The following PADI1 variants were observed in gnomAD, a reference collection of about 807,000 sequenced individuals.
The protein encoded by PADI1 is protein-arginine deiminase type-1.
PADI1 carries 65 observed loss-of-function variants against 74.8 expected under a neutral mutation model. That is an observed-to-expected ratio of 0.87 (90% CI 0.71 to 1.07). The LOEUF (loss-of-function observed/expected upper bound fraction) is 1.07, where lower values mean the gene tolerates loss of function less well. PADI1 is among the 50% of genes least tolerant of loss of function. The pLI is 0.00. For missense variants in PADI1, 943 were observed against 854.0 expected, an observed-to-expected ratio of 1.10 and a Z score of -1.30; for synonymous variants, 371 against 336.2, an observed-to-expected ratio of 1.10 and a Z score of -1.13.
intron 15 of PADI1, 27 bp downstream of exon 15, chr1:17,240,787 TGG>T: frequency 6.2e-7 from 1 of 1,608,936 alleles, no homozygotes; most frequent in Non-Finnish European, 8.5e-7. Flanking sequence ...AGGGTCCTGC[TGG>T]GGGGTCTGCG....
At chr1:17,240,831 G>C in intron 15 of PADI1, 71 bp downstream of exon 15, 3 of 1,558,906 alleles carry the variant, frequency 1.9e-6, no homozygotes, top group Non-Finnish European at 2.6e-6. Flanking sequence ...CCTGGCCCAG[G>C]GCAGGCTGGT....
At chr1:17,206,280 G>T (rs867848692) in intron 1 of PADI1, among the ~76,000 whole-genome samples, 29 of 152,204 alleles carry the variant, frequency 1.9e-4, no homozygotes, top group Non-Finnish European at 1.3e-4. Context: ...TGCTGGTCTG[G>T]TTAATGTATG....
In PADI1 at chr1:17,238,728, G is replaced by C. The variant is rs768376998; in HGVS notation, c.1552+19G>C. 7.3e-7 allele frequency: 1 copy of C among 1,369,608 alleles called. No individual in the cohort carries two copies. The highest frequency in any genetic ancestry group is 9.9e-7 in the Non-Finnish European group (1 of 1,012,494). 84.8% of individuals were successfully genotyped at this position (1,369,608 alleles called of 1,614,324 possible). ...TTTGATGGTGAGTGCCAATGACCCG[G>C]TCACCCCTGGGGGACCCTGCCCTTT... On this transcript the variant is annotated intron_variant, in intron 13 of 15. Coordinates refer to ENST00000375471, the MANE Select transcript of PADI1 (RefSeq NM_013358.3).
chr1:17,240,085 A>G, intron 14 of PADI1: 1 of 364,254 alleles, frequency 2.7e-6, no homozygotes. Context: ...GTGAAATGCG[A>G]GAGACACGGT....
chr1:17,211,194 C>A (rs2071825179), intron 1 of PADI1, among the ~76,000 whole-genome samples: 1 of 109,982 alleles, frequency 9.1e-6, no homozygotes, highest in Non-Finnish European at 2.0e-5. Context: ...ATGATGGCAG[C>A]CCTGGTTTTT....
rs2072873023 is a variant in PADI1 at position 17,245,939 on chromosome 1, C to T, written c.*1696C>T. ...CCATCGAGGGGCCCTGGTGTTGGCTCTGAGAATGTTCTGGGTGACCAGTCA... is the reference window on the plus strand; with the variant it reads ...CCATCGAGGGGCCCTGGTGTTGGCTTTGAGAATGTTCTGGGTGACCAGTCA... On this transcript the variant is annotated 3_prime_UTR_variant, in exon 16 of 16. Coordinates refer to ENST00000375471, the MANE Select transcript of PADI1 (RefSeq NM_013358.3). This position sits in a 1 kb window ranked among gnomAD's most constrained non-coding sequence, Gnocchi z 4.1. 6.6e-6 allele frequency: 1 copy of T among 152,212 alleles called. No individual in the cohort carries two copies. Among genetic ancestry groups the T allele is most frequent in the Non-Finnish European group, 1.5e-5 (1 of 68,070 alleles). 9.4% of individuals were successfully genotyped at this position (152,212 alleles called of 1,614,324 possible).
At chr1:17,211,193 G>A (rs1294761147) in intron 1 of PADI1, among the ~76,000 whole-genome samples, 2 of 140,558 alleles carry the variant, frequency 1.4e-5, no homozygotes, top group East Asian at 2.3e-4. Context: ...CATGATGGCA[G>A]CCCTGGTTTT....
intron 13 of PADI1, 23 bp from the exon 14 acceptor site, chr1:17,239,681 G>T: frequency 6.3e-7 from 1 of 1,592,748 alleles, no homozygotes; most frequent in Non-Finnish European, 8.6e-7. Flanking sequence ...CCTGAGCTAT[G>T]TACTGTCTTT....
chr1:17,226,580 G>A (rs973514705), intron 6 of PADI1, among the ~76,000 whole-genome samples: 1 of 152,188 alleles, frequency 6.6e-6, no homozygotes, highest in African/African-American at 2.4e-5. Flanking sequence ...TCTGGCCCCA[G>A]AACCTGTCTT....
At chr1:17,210,397 C>T (rs2071803032) in intron 1 of PADI1, among the ~76,000 whole-genome samples, 1 of 151,990 alleles carries the variant, frequency 6.6e-6, no homozygotes, top group African/African-American at 2.4e-5. Context: ...GGATCGGTGA[C>T]TCACGACTTG....
At chr1:17,230,343 C>A in intron 9 of PADI1, 135 bp downstream of exon 9, 1 of 1,084,182 alleles carries the variant, frequency 9.2e-7, no homozygotes, top group Non-Finnish European at 1.3e-6. Context: ...AGGGCTTTTC[C>A]GCTGCCTGCA....
At chr1:17,224,496 T>C in intron 4 of PADI1, 68 bp downstream of exon 4, 1 of 1,178,394 alleles carries the variant, frequency 8.5e-7, no homozygotes, top group Non-Finnish European at 1.2e-6. Context: ...CCCGGGTGGA[T>C]TGTGCCCTCC....
chr1:17,209,017 G>C (rs1209200066), intron 1 of PADI1, among the ~76,000 whole-genome samples: 1 of 152,192 alleles, frequency 6.6e-6, no homozygotes, highest in Non-Finnish European at 1.5e-5. Context: ...GAATTGGAGG[G>C]GCATAGGGAG....
At chr1:17,242,508 G>T (rs1025443186) in intron 15 of PADI1, among the ~76,000 whole-genome samples, 2 of 152,200 alleles carry the variant, frequency 1.3e-5, no homozygotes, top group Non-Finnish European at 1.5e-5. Context: ...GCTGAAGGTG[G>T]CGGGGAGGGC....
rs2072758900 is a variant in PADI1, at chr1:17,240,755, G to A, written c.1753G>A (p.Asp585Asn). The A allele has an allele frequency of 6.2e-7, 1 of 1,613,772 alleles. No homozygotes were observed. The highest frequency in any genetic ancestry group is 8.5e-7 in the Non-Finnish European group (1 of 1,179,762). ...KNFYAEAFFP[D>N]MVNMVVLGKY... is the part of the protein sequence containing the mutation. ...CTTCTACGCGGAAGCCTTCTTCCCA[G>A]ACATGGTGAGAGCCCTTGTGCAGGG... is the stretch of plus-strand genomic sequence containing the variant. Residue 585 changes from aspartate (D) to asparagine (N), a missense_variant, in exon 15 of 16, where the codon GAC (aspartate) becomes AAC (asparagine). By Grantham distance (23) the Asp-to-Asn change is conservative. Coordinates refer to ENST00000375471, the MANE Select transcript of PADI1 (RefSeq NM_013358.3).
At chr1:17,235,847 T>TTCTC (rs1186605574) in intron 11 of PADI1, among the ~76,000 whole-genome samples, 1 of 152,156 alleles carries the variant, frequency 6.6e-6, no homozygotes, top group East Asian at 1.9e-4. Context: ...GCCAGGAACC[T>TTCTC]TCTCTCAAGG....
intron 1 of PADI1, among the ~76,000 whole-genome samples, chr1:17,220,365 G>T (rs146096161): frequency 2.0e-5 from 3 of 152,228 alleles, no homozygotes; most frequent in African/African-American, 4.8e-5. Flanking sequence ...AGGGGGTCTG[G>T]TTTCTCCAGA....
intron 11 of PADI1, among the ~76,000 whole-genome samples, chr1:17,235,202 GAGGGAGGGAGGA>G (rs2072602336): frequency 1.6e-5 from 2 of 125,760 alleles, no homozygotes; most frequent in African/African-American, 6.0e-5. Context: ...GGAAGGAAGG[GAGGGAGGGAGGA>G]AGGGAAGGAA....
intron 4 of PADI1, among the ~76,000 whole-genome samples, 187 bp downstream of exon 4, chr1:17,224,615 G>C (rs991122597): frequency 6.6e-6 from 1 of 152,136 alleles, no homozygotes. Context: ...CCCTGTAACC[G>C]ACATGCTGTG....
Sources: allele counts gnomAD v4.1 joint callset (sites outside exome capture counted in the v4.1 genomes callset), GRCh38; gene constraint gnomAD v4.1.1; non-coding constraint Gnocchi (gnomAD v3.1); transcripts MANE v1.5; gene names NCBI Gene and HGNC (gene_info 2026-07-23, HGNC 2026-07-21).